Variants in CCDC144A observed in about 807,000 individuals in gnomAD.
CCDC144A encodes the protein coiled-coil domain containing 144A.
In CCDC144A, 41 loss-of-function variants were observed where a neutral mutation model predicts 143.8. The observed-to-expected ratio is 0.29, with a 90% CI of 0.22 to 0.37. The LOEUF (loss-of-function observed/expected upper bound fraction) is 0.37. Among genes scored for constraint, CCDC144A ranks in the 10% least tolerant of loss-of-function variants. The probability of loss-of-function intolerance (pLI) is 1.00; values close to 1 mark genes in which losing one functional copy is unlikely to be tolerated. For missense variants in CCDC144A, 637 were observed against 1,488.8 expected (o/e 0.43, Z 9.41); for synonymous variants, 242 against 517.9 (o/e 0.47, Z 7.23).
At chr17:16,706,710 T>TTTA in intron 3 of CCDC144A, 1 of 151,680 alleles carries the variant, frequency 6.6e-6, no homozygotes, top group Admixed American at 6.6e-5. Context: ...CAATACATAA[T>TTTA]TGCTGAGTAA....
chr17:16,722,997 C>T (rs1411294108), intron 8 of CCDC144A, among the ~76,000 whole-genome samples: 1 of 151,954 alleles, frequency 6.6e-6, no homozygotes, highest in African/African-American at 2.4e-5. Context: ...GACTTTGGTT[C>T]AGGGTAATGC....
At chr17:16,683,625 G>C in the CCDC144A span, 1 of 1,611,018 alleles carries the variant, frequency 6.2e-7, no homozygotes, top group Non-Finnish European at 8.5e-7. Flanking sequence ...TGCCACAGAG[G>C]ATGAGGCCTG....
chr17:16,668,152 C>T, the CCDC144A span, among the ~76,000 whole-genome samples: 3 of 147,444 alleles, frequency 2.0e-5, 1 homozygote, highest in Non-Finnish European at 3.0e-5. Context: ...CCCAAAAGAC[C>T]GAAGTTTTAC....
the CCDC144A span, among the ~76,000 whole-genome samples, chr17:16,682,723 T>C: frequency 1.3e-5 from 2 of 151,948 alleles, no homozygotes; most frequent in South Asian, 4.2e-4. Context: ...ATGCTGCTGA[T>C]ACATAAATTA....
intron 6 of CCDC144A, among the ~76,000 whole-genome samples, chr17:16,718,377 A>G (rs1912894427): frequency 6.6e-6 from 1 of 152,106 alleles, no homozygotes; most frequent in Non-Finnish European, 1.5e-5. Flanking sequence ...TGGGAATGAT[A>G]GGGACAAGGA....
chr17:16,729,526 T>A (rs1913610253), intron 9 of CCDC144A, among the ~76,000 whole-genome samples: 1 of 152,154 alleles, frequency 6.6e-6, no homozygotes, highest in Non-Finnish European at 1.5e-5. Context: ...CTTACTCTGA[T>A]GATTATTTCT....
At chr17:16,769,212 A>G (rs1429157927) in intron 15 of CCDC144A, among the ~76,000 whole-genome samples, 8 of 152,262 alleles carry the variant, frequency 5.3e-5, no homozygotes, top group African/African-American at 1.7e-4. Flanking sequence ...CATCTTTTGA[A>G]AGAGACCCTG....
chr17:16,690,965 C>G (rs1911030166), intron 1 of CCDC144A, among the ~76,000 whole-genome samples: 1 of 152,210 alleles, frequency 6.6e-6, no homozygotes, highest in South Asian at 2.1e-4. Context: ...CTGTGTTTAT[C>G]CATTTTCTCA....
intron 3 of CCDC144A, chr17:16,705,933 A>G (rs1379111465): frequency 6.2e-6 from 1 of 160,064 alleles, no homozygotes; most frequent in Non-Finnish European, 1.4e-5. Flanking sequence ...CAAAAAAAAA[A>G]CTAGCTGGGC....
chr17:16,716,247 A>G (rs992522920), intron 6 of CCDC144A, among the ~76,000 whole-genome samples: 6 of 152,250 alleles, frequency 3.9e-5, no homozygotes, highest in African/African-American at 1.4e-4. Context: ...CAAACAAAAA[A>G]CAATTATTAA....
the CCDC144A span, among the ~76,000 whole-genome samples, chr17:16,672,944 T>C: frequency 6.6e-6 from 1 of 152,108 alleles, no homozygotes; most frequent in African/African-American, 2.4e-5. Context: ...GATAGAGATA[T>C]AGATAGATAG....
chr17:16,683,385 A>AAGG, the CCDC144A span: 3 of 692,738 alleles, frequency 4.3e-6, no homozygotes, highest in Non-Finnish European at 7.3e-6. Flanking sequence ...CTCTCTTTGT[A>AAGG]AAATTAGTGG....
intron 9 of CCDC144A, among the ~76,000 whole-genome samples, chr17:16,729,991 T>TATATATATATATATATATATACAC (rs1491438660): frequency 3.5e-5 from 4 of 114,892 alleles, no homozygotes; most frequent in Admixed American, 1.7e-4. Context: ...TATATATATA[T>TATATATATATATATATATATACAC]ACACACATAC....
upstream of CCDC144A, among the ~76,000 whole-genome samples, chr17:16,684,894 C>T (rs1248126305): frequency 6.6e-6 from 1 of 152,010 alleles, no homozygotes; most frequent in Non-Finnish European, 1.5e-5. Context: ...CTGGGGAGGT[C>T]GAGGTTGCAG....
rs1250684563 is a variant in CCDC144A, at chr17:16,776,375, T to A, written c.*2742T>A. ...ATTTGTTTGTGTCATCTCTGATTTC[T>A]TTGAATAATGGTTTATAGTTATCCT... On this transcript the variant is annotated 3_prime_UTR_variant, in exon 17 of 17. Transcript: ENST00000399273. 6.6e-6 allele frequency: 1 copy of A among 152,204 alleles called. No individual in the cohort carries two copies. Among genetic ancestry groups the A allele is most frequent in the Non-Finnish European group, 1.5e-5 (1 of 68,054 alleles). 9.4% of individuals were successfully genotyped at this position (152,204 alleles called of 1,614,324 possible).
intron 12 of CCDC144A, among the ~76,000 whole-genome samples, chr17:16,755,411 G>C (rs1286650312): frequency 6.6e-6 from 1 of 152,084 alleles, no homozygotes; most frequent in Non-Finnish European, 1.5e-5. Context: ...CTACCAGTGA[G>C]TCTTACAGTT....
At chr17:16,697,588 G>C (rs1482042024) in intron 2 of CCDC144A, among the ~76,000 whole-genome samples, 3 of 152,278 alleles carry the variant, frequency 2.0e-5, no homozygotes, top group Admixed American at 6.5e-5. Context: ...GGTGAAATCA[G>C]TAAGGTTAAG....
At chr17:16,723,434 G>A (rs1913208336) in intron 8 of CCDC144A, among the ~76,000 whole-genome samples, 1 of 151,958 alleles carries the variant, frequency 6.6e-6, no homozygotes, top group Non-Finnish European at 1.5e-5. Flanking sequence ...CTCATAGTGT[G>A]TGGTTTTATT....
intron 6 of CCDC144A, among the ~76,000 whole-genome samples, chr17:16,717,467 A>C (rs1261434854): frequency 6.6e-6 from 1 of 152,048 alleles, no homozygotes; most frequent in Admixed American, 6.6e-5. Context: ...TGTGTTTTAC[A>C]CTTTTCCTTT....
Sources: allele counts gnomAD v4.1 joint callset (sites outside exome capture counted in the v4.1 genomes callset), GRCh38; gene constraint gnomAD v4.1.1; transcripts MANE v1.5; gene names NCBI Gene and HGNC (gene_info 2026-07-23, HGNC 2026-07-21).